The following CEP83 variants were observed in gnomAD, a reference collection of about 807,000 sequenced individuals.
CEP83 encodes the protein centrosomal protein 83, also known as centrosomal protein of 83 kDa.
Under a neutral mutation model 101.9 loss-of-function variants are expected in CEP83, and 70 were observed. The ratio of observed to expected loss-of-function variants is 0.69; its 90% CI spans 0.57 to 0.84. The LOEUF (loss-of-function observed/expected upper bound fraction) is 0.84. CEP83 is among the 40% of genes least tolerant of loss of function. The pLI is 0.00. For synonymous variants in CEP83, 264 were observed against 267.9 expected, an observed-to-expected ratio of 0.99 and a Z score of 0.14; for missense variants, 715 against 787.2, an observed-to-expected ratio of 0.91 and a Z score of 1.10.
intron 6 of CEP83, among the ~76,000 whole-genome samples, chr12:94,394,280 T>G (rs779596250): frequency 6.6e-6 from 1 of 152,182 alleles, no homozygotes; most frequent in South Asian, 2.1e-4. Context: ...AACAGAGATA[T>G]AGACCAATGG....
chr12:94,297,289 G>T, the CEP83 span: 2 of 1,612,540 alleles, frequency 1.2e-6, no homozygotes, highest in South Asian at 1.1e-5. Context: ...GTCTCCTTGG[G>T]TAACGCTTCT....
At chr12:94,364,882 A>G (rs1261307775) in intron 11 of CEP83, among the ~76,000 whole-genome samples, 1 of 152,200 alleles carries the variant, frequency 6.6e-6, no homozygotes, top group East Asian at 1.9e-4. Flanking sequence ...CTTCAAATAG[A>G]TCAGAGAACT....
At chr12:94,432,143 C>T (rs550703103) in intron 2 of CEP83, among the ~76,000 whole-genome samples, 1 of 152,094 alleles carries the variant, frequency 6.6e-6, no homozygotes, top group South Asian at 2.1e-4. Context: ...CAAGCTCTGC[C>T]TCCCAGGTTC....
chr12:94,312,615 A>C (rs1003995721), intron 15 of CEP83: 2 of 985,332 alleles, frequency 2.0e-6, no homozygotes, highest in African/African-American at 3.5e-5. Flanking sequence ...ACTATGCAAT[A>C]GCTACAACTG....
At chr12:94,403,648 T>C (rs1245198850) in intron 4 of CEP83, among the ~76,000 whole-genome samples, 1 of 152,206 alleles carries the variant, frequency 6.6e-6, no homozygotes, top group African/African-American at 2.4e-5. Context: ...CAGACTTATT[T>C]TCAATTAGAA....
intron 2 of CEP83, among the ~76,000 whole-genome samples, chr12:94,420,957 T>C (rs1211845542): frequency 6.6e-6 from 1 of 152,160 alleles, no homozygotes; most frequent in Non-Finnish European, 1.5e-5. Flanking sequence ...TTCTTGATTT[T>C]TGTGGATATA....
chr12:94,395,562 G>A (rs538849511), intron 6 of CEP83, among the ~76,000 whole-genome samples: 26 of 152,110 alleles, frequency 1.7e-4, no homozygotes, highest in Admixed American at 5.2e-4. Flanking sequence ...GACTCGGGAC[G>A]CCTGTAATCC....
At chr12:94,322,048 G>A (rs2058768171) in intron 14 of CEP83, among the ~76,000 whole-genome samples, 1 of 152,180 alleles carries the variant, frequency 6.6e-6, no homozygotes, top group Admixed American at 6.5e-5. Flanking sequence ...CTCTGTCCCA[G>A]GGAGGCACGG....
chr12:94,412,682 CT>C (rs201117974), intron 2 of CEP83, 91 bp from the exon 3 acceptor site: 4,181 of 352,958 alleles, frequency 0.012, 63 homozygotes, highest in Admixed American at 0.046. Flanking sequence ...TTTTATTATT[CT>C]TTTTTTTTTC....
chr12:94,360,779 C>T (rs1348446566), intron 11 of CEP83, among the ~76,000 whole-genome samples: 1 of 151,908 alleles, frequency 6.6e-6, no homozygotes, highest in Non-Finnish European at 1.5e-5. Context: ...AGTCACAAGA[C>T]TCCAAAGAGT....
chr12:94,445,428 C>T (rs971420404), intron 1 of CEP83, among the ~76,000 whole-genome samples: 1 of 152,048 alleles, frequency 6.6e-6, no homozygotes, highest in South Asian at 2.1e-4. Context: ...TGGGTTAAGA[C>T]TTCTCAGATA....
intron 14 of CEP83, 160 bp downstream of exon 14, chr12:94,331,540 T>C: frequency 1.8e-6 from 1 of 570,310 alleles, no homozygotes; most frequent in Non-Finnish European, 3.0e-6. Flanking sequence ...CTAATTTTTT[T>C]GTATTTTTTC....
At chr12:94,353,288 G>A (rs1208342631) in intron 11 of CEP83, among the ~76,000 whole-genome samples, 1 of 152,144 alleles carries the variant, frequency 6.6e-6, no homozygotes, top group Non-Finnish European at 1.5e-5. Flanking sequence ...GTCTTTCTCA[G>A]ACAAGCAAAA....
At chr12:94,419,861 C>T (rs2064583641) in intron 2 of CEP83, among the ~76,000 whole-genome samples, 1 of 151,874 alleles carries the variant, frequency 6.6e-6, no homozygotes, top group South Asian at 2.1e-4. Flanking sequence ...GACTGAAGAT[C>T]TAAATGTGAA....
At chr12:94,443,116 C>G (rs1251440726) in intron 1 of CEP83, among the ~76,000 whole-genome samples, 2 of 149,758 alleles carry the variant, frequency 1.3e-5, no homozygotes, top group Middle Eastern at 3.2e-3. Context: ...GCTAAACTCA[C>G]AGCCCCGTAT....
chr12:94,392,538 G>A (rs1413025395), intron 6 of CEP83, among the ~76,000 whole-genome samples: 1 of 152,126 alleles, frequency 6.6e-6, no homozygotes, highest in African/African-American at 2.4e-5. Flanking sequence ...GACAAAGCAG[G>A]AAAGATCTAA....
chr12:94,293,581 G>A, the CEP83 span, among the ~76,000 whole-genome samples: 5 of 152,136 alleles, frequency 3.3e-5, no homozygotes, highest in East Asian at 3.9e-4. Flanking sequence ...CTTGTGTAGT[G>A]GAAAGCAGAG....
intron 14 of CEP83, 122 bp from the exon 15 acceptor site, chr12:94,313,139 G>C: frequency 2.0e-6 from 1 of 497,600 alleles, no homozygotes; most frequent in Non-Finnish European, 3.5e-6. Context: ...GTGAATACTA[G>C]AAACAAAGGT....
intron 11 of CEP83, among the ~76,000 whole-genome samples, chr12:94,363,811 G>A (rs1565991978): frequency 1.3e-5 from 2 of 151,926 alleles, no homozygotes; most frequent in Admixed American, 1.3e-4. Flanking sequence ...AGCCAGGTAT[G>A]GTAGCAGGCG....
Sources: allele counts gnomAD v4.1 joint callset (sites outside exome capture counted in the v4.1 genomes callset), GRCh38; gene constraint gnomAD v4.1.1; transcripts MANE v1.5; gene names NCBI Gene and HGNC (gene_info 2026-07-23, HGNC 2026-07-21).